Variants in CACNA1D observed in about 807,000 individuals in gnomAD.
CACNA1D encodes voltage-dependent L-type calcium channel subunit alpha-1D.
Under a neutral mutation model 257.1 loss-of-function variants are expected in CACNA1D, and 55 were observed. The ratio of observed to expected loss-of-function variants is 0.21; its 90% CI spans 0.17 to 0.27. The LOEUF is 0.27. Ranked by LOEUF, CACNA1D falls within the 10% of genes least tolerant of loss-of-function variation. The probability of loss-of-function intolerance (pLI) is 1.00; values close to 1 mark genes in which losing one functional copy is unlikely to be tolerated. For missense variants in CACNA1D, 1,876 were observed against 2,784.0 expected (o/e 0.67, Z 7.34); for synonymous variants, 980 against 1,014.9 (o/e 0.97, Z 0.65).
intron 3 of CACNA1D, among the ~76,000 whole-genome samples, chr3:53,648,870 C>T (rs2094054398): frequency 6.7e-6 from 1 of 150,062 alleles, no homozygotes; most frequent in African/African-American, 2.5e-5. Context: ...ACAATTCGTT[C>T]ACTAGACTGT....
chr3:53,646,105 A>C (rs2094017365), intron 3 of CACNA1D, among the ~76,000 whole-genome samples: 1 of 152,198 alleles, frequency 6.6e-6, no homozygotes, highest in East Asian at 1.9e-4. Context: ...GACGGCAAAG[A>C]CATGGAGGTG....
At chr3:53,763,220 G>A (rs922828033) in intron 30 of CACNA1D, among the ~76,000 whole-genome samples, 19 of 152,360 alleles carry the variant, frequency 1.2e-4, no homozygotes, top group East Asian at 3.9e-4. Flanking sequence ...AAAGAGGGCC[G>A]AGTGCAAACC....
intron 39 of CACNA1D, among the ~76,000 whole-genome samples, chr3:53,784,742 C>A (rs1250721046): frequency 6.6e-6 from 1 of 152,096 alleles, no homozygotes; most frequent in Non-Finnish European, 1.5e-5. Flanking sequence ...CCCTGGGGTC[C>A]CTGGAGTCAT....
intron 3 of CACNA1D, among the ~76,000 whole-genome samples, chr3:53,603,747 G>C (rs2107898049): frequency 6.6e-6 from 1 of 152,330 alleles, no homozygotes; most frequent in Admixed American, 6.5e-5. Flanking sequence ...TGCCTCATCT[G>C]TGCATGAATA....
At chr3:53,762,811 C>T (rs1262645061) in intron 30 of CACNA1D, among the ~76,000 whole-genome samples, 3 of 152,200 alleles carry the variant, frequency 2.0e-5, no homozygotes, top group African/African-American at 4.8e-5. Context: ...CTATCTCCTT[C>T]CCCTGAAAAA....
At chr3:53,687,833 T>C (rs867360114) in intron 8 of CACNA1D, among the ~76,000 whole-genome samples, 1 of 152,082 alleles carries the variant, frequency 6.6e-6, no homozygotes, top group African/African-American at 2.4e-5. Context: ...AGCCAGTAAG[T>C]ACACATTAAA....
rs150438419 is a variant in CACNA1D, at chr3:53,592,762, G to A, written c.484-58017G>A. Reference sequence around the variant, plus strand: ...CTTGTTGCCCAGGCTGGAGTGCAATGGCACAACCTCAGCTCACTGCAACCT... The same window carrying A: ...CTTGTTGCCCAGGCTGGAGTGCAATAGCACAACCTCAGCTCACTGCAACCT... On this transcript the variant is annotated intron_variant, in intron 3 of 47. Coordinates refer to ENST00000350061, the MANE Select transcript of CACNA1D (RefSeq NM_001128840.3). Among the ~76,000 whole-genome samples, 948 of 151,854 alleles carry A rather than the reference G, an allele frequency of 6.2e-3. 14 individuals carry two copies. The highest frequency in any genetic ancestry group is 0.021 in the African/African-American group (874 of 41,392).
At chr3:53,684,644 A>T (rs1467621605) in intron 8 of CACNA1D, among the ~76,000 whole-genome samples, 1 of 145,322 alleles carries the variant, frequency 6.9e-6, no homozygotes, top group Non-Finnish European at 1.5e-5. Flanking sequence ...AAAAAAAAAA[A>T]GCATCAAAAT....
At chr3:53,612,037 T>C (rs2093589064) in intron 3 of CACNA1D, among the ~76,000 whole-genome samples, 1 of 152,252 alleles carries the variant, frequency 6.6e-6, no homozygotes, top group Non-Finnish European at 1.5e-5. Flanking sequence ...ATTTTAAACA[T>C]CTTCATTTCT....
intron 3 of CACNA1D, among the ~76,000 whole-genome samples, chr3:53,547,685 C>T (rs755402672): frequency 6.6e-6 from 1 of 152,114 alleles, no homozygotes; most frequent in Non-Finnish European, 1.5e-5. Context: ...ATTTTGAACC[C>T]GCTGTTAACG....
At chr3:53,726,610 C>T (rs2094937473) in intron 14 of CACNA1D, among the ~76,000 whole-genome samples, 2 of 152,152 alleles carry the variant, frequency 1.3e-5, no homozygotes, top group Admixed American at 1.3e-4. Context: ...GCACTCCAGC[C>T]TGGCAATAGA....
chr3:53,568,925 T>C (rs1464587533), intron 3 of CACNA1D, among the ~76,000 whole-genome samples: 1 of 152,212 alleles, frequency 6.6e-6, no homozygotes, highest in East Asian at 1.9e-4. Context: ...AGATCACAAC[T>C]GGTCTTCCTG....
chr3:53,539,263 C>T (rs1292480098), intron 3 of CACNA1D, among the ~76,000 whole-genome samples: 1 of 152,176 alleles, frequency 6.6e-6, no homozygotes, highest in East Asian at 1.9e-4. Context: ...ATGCCCAACA[C>T]CATGCCTGAC....
intron 3 of CACNA1D, among the ~76,000 whole-genome samples, chr3:53,627,382 A>G (rs965597270): frequency 6.6e-6 from 1 of 152,236 alleles, no homozygotes; most frequent in African/African-American, 2.4e-5. Context: ...GTCCTAGCAC[A>G]GGCGAGCGGA....
chr3:53,669,114 T>G (rs2094297935), intron 7 of CACNA1D, among the ~76,000 whole-genome samples: 1 of 152,248 alleles, frequency 6.6e-6, no homozygotes, highest in African/African-American at 2.4e-5. Flanking sequence ...GACTGTTCTC[T>G]AAGATTTTAC....
rs114059340 is a variant in CACNA1D, at chr3:53,604,399, G to C, written c.484-46380G>C. 8.0e-3 allele frequency among the ~76,000 whole-genome samples: 1,216 copies of C among 152,288 alleles called. 20 individuals carry two copies. The highest frequency in any genetic ancestry group is 0.027 in the African/African-American group (1,129 of 41,554). On this transcript the variant is annotated intron_variant, in intron 3 of 47. Transcript: ENST00000350061. ...CCATTCTGCACTCTTCAGGAGAGAA[G>C]AACAACCTGGGGCCATGTGTTCAAT...
chr3:53,585,246 G>A (rs894481283), intron 3 of CACNA1D, among the ~76,000 whole-genome samples: 1 of 152,014 alleles, frequency 6.6e-6, no homozygotes, highest in Non-Finnish European at 1.5e-5. Flanking sequence ...TGCCCAGAGA[G>A]GTCCCTGGGT....
chr3:53,570,231 AC>A (rs2092919633), intron 3 of CACNA1D, among the ~76,000 whole-genome samples: 1 of 152,216 alleles, frequency 6.6e-6, no homozygotes, highest in South Asian at 2.1e-4. Flanking sequence ...TTTCAGTGAA[AC>A]TTAACGACAG....
chr3:53,538,166 T>TTTTTTTTTTG (rs1167212773), intron 3 of CACNA1D, among the ~76,000 whole-genome samples: 2 of 129,310 alleles, frequency 1.5e-5, no homozygotes, highest in African/African-American at 5.7e-5. Context: ...TTTTTTTTTT[T>TTTTTTTTTTG]TGACAGAGTC....
Sources: gnomAD v4.1 joint callset for allele counts (sites outside exome capture counted in the v4.1 genomes callset) on GRCh38, gnomAD v4.1.1 for gene constraint, MANE v1.5 for transcripts, NCBI Gene and HGNC (gene_info 2026-07-23, HGNC 2026-07-21) for gene names.